Variants in TRPC4 observed in about 807,000 individuals in gnomAD.
TRPC4 encodes transient receptor potential cation channel subfamily C member 4, also known as short transient receptor potential channel 4.
In TRPC4, 49 loss-of-function variants were observed where a neutral mutation model predicts 99.4. That is an observed-to-expected ratio of 0.49 (90% CI 0.39 to 0.63). The LOEUF (loss-of-function observed/expected upper bound fraction) is 0.63. Ranked by LOEUF, TRPC4 falls within the 20% of genes least tolerant of loss-of-function variation. The probability of loss-of-function intolerance (pLI) is 0.00; values close to 1 mark genes in which losing one functional copy is unlikely to be tolerated. For synonymous variants in TRPC4, 454 were observed against 425.9 expected, an observed-to-expected ratio of 1.07 and a Z score of -0.81; for missense variants, 898 against 1,152.9, an observed-to-expected ratio of 0.78 and a Z score of 3.20.
intron 1 of TRPC4, among the ~76,000 whole-genome samples, chr13:37,785,215 GC>G (rs2139360554): frequency 6.6e-6 from 1 of 151,976 alleles, no homozygotes; most frequent in East Asian, 1.9e-4. Flanking sequence ...GATCCTGATT[GC>G]CCCCATTTTT....
chr13:37,739,616 C>T (rs1398575546), intron 3 of TRPC4, among the ~76,000 whole-genome samples: 2 of 151,366 alleles, frequency 1.3e-5, no homozygotes, highest in Admixed American at 6.6e-5. Flanking sequence ...AGCAATTCTC[C>T]TGCCTCAGCC....
Position 37,632,373 on chromosome 13 carries a change from T to A in TRPC4, c.*4530A>T, listed in dbSNP as rs1005223174. ...TTCAATATGTAGCCAACATAAAATA[T>A]TTATGAGCTAGTTTACATTATTTTC... is the stretch of plus-strand genomic sequence containing the variant. On this transcript the variant is annotated 3_prime_UTR_variant, in exon 11 of 11. Coordinates refer to ENST00000379705, the MANE Select transcript of TRPC4 (RefSeq NM_016179.4). 3.3e-5 allele frequency among the ~76,000 whole-genome samples: 5 copies of A among 152,232 alleles called. No individual in the cohort carries two copies. The highest frequency in any genetic ancestry group is 5.9e-5 in the Non-Finnish European group (4 of 68,036).
chr13:37,852,777 G>A (rs1307677180), intron 1 of TRPC4, among the ~76,000 whole-genome samples: 2 of 152,152 alleles, frequency 1.3e-5, no homozygotes, highest in African/African-American at 4.8e-5. Context: ...ACCACAAGCT[G>A]TCTGAAGAAC....
chr13:37,683,492 G>A (rs1953331912), intron 4 of TRPC4, among the ~76,000 whole-genome samples: 2 of 152,132 alleles, frequency 1.3e-5, no homozygotes, highest in Admixed American at 1.3e-4. Flanking sequence ...GGTTACAGGA[G>A]TGGAGGGACT....
intron 8 of TRPC4, among the ~76,000 whole-genome samples, chr13:37,643,725 A>C (rs759974272): frequency 5.9e-5 from 9 of 152,184 alleles, no homozygotes; most frequent in Non-Finnish European, 1.3e-4. Context: ...ATGGCACATG[A>C]ATCCAGTGGT....
At chr13:37,783,614 A>C (rs1292797699) in intron 1 of TRPC4, among the ~76,000 whole-genome samples, 1 of 152,086 alleles carries the variant, frequency 6.6e-6, no homozygotes, top group African/African-American at 2.4e-5. Flanking sequence ...AGTTACTCTG[A>C]AAGTGAATTT....
At chr13:37,768,866 T>C (rs1956467480) in intron 2 of TRPC4, among the ~76,000 whole-genome samples, 1 of 151,502 alleles carries the variant, frequency 6.6e-6, no homozygotes, top group African/African-American at 2.4e-5. Context: ...GCCTACTTTC[T>C]GCTTTTTGGA....
At chr13:37,709,362 C>T (rs1233029608) in intron 3 of TRPC4, among the ~76,000 whole-genome samples, 1 of 151,906 alleles carries the variant, frequency 6.6e-6, no homozygotes, top group East Asian at 1.9e-4. Context: ...GGATATTAAC[C>T]AAGCATAAAA....
chr13:37,738,967 C>A (rs1296977067), intron 3 of TRPC4, among the ~76,000 whole-genome samples: 3 of 152,084 alleles, frequency 2.0e-5, no homozygotes, highest in East Asian at 1.9e-4. Context: ...GAAAGTTTTT[C>A]CTAGATCTGC....
At chr13:37,745,489 CTTATAT>C (rs1955736042) in intron 3 of TRPC4, among the ~76,000 whole-genome samples, 1 of 114,338 alleles carries the variant, frequency 8.7e-6, no homozygotes, top group African/African-American at 4.0e-5. Context: ...CACACACACA[CTTATAT>C]ATACGTATAT....
intron 1 of TRPC4, among the ~76,000 whole-genome samples, chr13:37,813,415 A>G (rs921981932): frequency 2.0e-5 from 3 of 151,738 alleles, no homozygotes; most frequent in African/African-American, 7.2e-5. Context: ...AAAATAGAGA[A>G]CAGAGAAACA....
At chr13:37,795,510 G>T (rs899891601) in intron 1 of TRPC4, among the ~76,000 whole-genome samples, 1 of 152,102 alleles carries the variant, frequency 6.6e-6, no homozygotes, top group African/African-American at 2.4e-5. Context: ...TATCAGGGGG[G>T]TAAGAAATGC....
rs1953253471 is a variant in TRPC4, at chr13:37,681,924, A to G, written c.1235-7557T>C. On this transcript the variant is annotated intron_variant, in intron 4 of 10. Coordinates refer to ENST00000379705, the MANE Select transcript of TRPC4 (RefSeq NM_016179.4). ...AACTTCCTTTTAAAAATATTTGTAGATGTCTGGAAGTTTTTACTATTTTTT... is the reference window on the plus strand; with the variant it reads ...AACTTCCTTTTAAAAATATTTGTAGGTGTCTGGAAGTTTTTACTATTTTTT... Among the ~76,000 whole-genome samples, 3 of 152,126 alleles carry G rather than the reference A, an allele frequency of 2.0e-5. No individual in the cohort carries two copies. In the South Asian group the frequency reaches 6.2e-4, roughly 32 times the overall value.
chr13:37,837,227 G>A (rs958105408), intron 1 of TRPC4, among the ~76,000 whole-genome samples: 17 of 152,258 alleles, frequency 1.1e-4, no homozygotes, highest in Non-Finnish European at 2.4e-4. Context: ...AAAGGAAAAT[G>A]TAGGGTGAGA....
At chr13:37,772,288 A>G (rs1164326990) in intron 2 of TRPC4, among the ~76,000 whole-genome samples, 1 of 151,754 alleles carries the variant, frequency 6.6e-6, no homozygotes, top group African/African-American at 2.4e-5. Flanking sequence ...AACAAAGCCT[A>G]AGAGGACCAC....
chr13:37,747,635 C>T (rs189572182), intron 2 of TRPC4, among the ~76,000 whole-genome samples: 2 of 152,236 alleles, frequency 1.3e-5, no homozygotes, highest in East Asian at 1.9e-4. Flanking sequence ...TTCATTAATG[C>T]TACTTTTAAA....
intron 1 of TRPC4, among the ~76,000 whole-genome samples, chr13:37,827,981 G>A (rs1034825758): frequency 7.9e-5 from 12 of 151,822 alleles, no homozygotes; most frequent in South Asian, 2.1e-4. Context: ...GTGGTGGGCC[G>A]TTTTTTAAGC....
chr13:37,741,970 A>G (rs1461038488), intron 3 of TRPC4, among the ~76,000 whole-genome samples: 1 of 151,592 alleles, frequency 6.6e-6, no homozygotes. Flanking sequence ...TTCATACTTC[A>G]GAAGTGTATT....
At chr13:37,697,704 C>T (rs1245806193) in intron 3 of TRPC4, among the ~76,000 whole-genome samples, 1 of 152,066 alleles carries the variant, frequency 6.6e-6, no homozygotes, top group Admixed American at 6.6e-5. Flanking sequence ...AACAGGAAGG[C>T]TGTTAGAGAT....
Sources: gnomAD v4.1 joint callset for allele counts (sites outside exome capture counted in the v4.1 genomes callset) on GRCh38, gnomAD v4.1.1 for gene constraint, MANE v1.5 for transcripts, NCBI Gene and HGNC (gene_info 2026-07-23, HGNC 2026-07-21) for gene names.